Variants in QKI observed in about 807,000 individuals in gnomAD.
QKI encodes QKI, KH domain containing RNA binding.
A neutral mutation model predicts 39.0 loss-of-function variants in QKI; 10 were observed. The ratio of observed to expected loss-of-function variants is 0.26; its 90% CI spans 0.16 to 0.43. The LOEUF is 0.43. QKI is among the 20% of genes least tolerant of loss of function. The pLI, the probability that QKI is intolerant of heterozygous loss-of-function variation, is 1.00. For synonymous variants in QKI, 204 were observed against 155.4 expected, an observed-to-expected ratio of 1.31 and a Z score of -2.33; for missense variants, 218 against 428.0, an observed-to-expected ratio of 0.51 and a Z score of 4.33.
chr6:163,577,495 CAT>C lies in QKI; in HGVS notation c.*6786_*6787del, dbSNP rs896461086. On this transcript the variant is annotated 3_prime_UTR_variant, in exon 8 of 8. Coordinates refer to ENST00000361752, the MANE Select transcript of QKI (RefSeq NM_006775.3). The stretch of plus-strand genomic sequence containing the variant: ...GATCAAAGTGTCTAGAAAGCCCAAA[CAT>C]GTATTCTTAACATAGTAGGCACCAG... The C allele has an allele frequency of 2.0e-5, 3 of 152,004 alleles. No individual in the cohort carries two copies. The highest frequency in any genetic ancestry group is 6.6e-5 in the Admixed American group (1 of 15,244). The allele number at this position is 152,004 out of a possible 1,614,324, so 9.4% of individuals were successfully genotyped here. A position where few individuals can be genotyped will look rare whatever the true frequency, so the allele number is the denominator to read the frequency against.
At chr6:163,495,932 G>T (rs1481026211) in intron 3 of QKI, among the ~76,000 whole-genome samples, 2 of 152,134 alleles carry the variant, frequency 1.3e-5, no homozygotes, top group African/African-American at 4.8e-5. Context: ...CACCGTAAAG[G>T]TAACTTTTTC....
chr6:163,446,746 C>T (rs1447469414), intron 1 of QKI, among the ~76,000 whole-genome samples: 2 of 152,124 alleles, frequency 1.3e-5, no homozygotes, highest in Admixed American at 6.5e-5. Context: ...AGAAAGGCTG[C>T]CTATCCAATT....
At chr6:163,537,526 TAGTG>T (rs1216422627) in intron 4 of QKI, among the ~76,000 whole-genome samples, 1 of 152,160 alleles carries the variant, frequency 6.6e-6, no homozygotes, top group Admixed American at 6.5e-5. Context: ...GTACCTTTAA[TAGTG>T]AGGTTCATAA....
intron 2 of QKI, among the ~76,000 whole-genome samples, chr6:163,473,098 A>G (rs1792327655): frequency 1.3e-5 from 2 of 152,170 alleles, no homozygotes; most frequent in Admixed American, 1.3e-4. Context: ...AACTACTCCA[A>G]AATCTTAAGT....
chr6:163,563,962 T>C (rs1783192775), intron 6 of QKI: 1 of 1,359,284 alleles, frequency 7.4e-7, no homozygotes, highest in African/African-American at 1.5e-5. Flanking sequence ...AAATCTGTTG[T>C]GTACATTTCA....
At chr6:163,461,784 C>G (rs1791371984) in intron 2 of QKI, among the ~76,000 whole-genome samples, 2 of 152,130 alleles carry the variant, frequency 1.3e-5, no homozygotes, top group Admixed American at 6.5e-5. Context: ...AGAGCAGTGT[C>G]TCCGGGAGTA....
chr6:163,538,346 G>T (rs1367236960), intron 4 of QKI, among the ~76,000 whole-genome samples: 1 of 152,180 alleles, frequency 6.6e-6, no homozygotes, highest in African/African-American at 2.4e-5. Context: ...AGGGAATAGA[G>T]AACTGGGATT....
chr6:163,506,896 C>T (rs1779132877), intron 3 of QKI, among the ~76,000 whole-genome samples: 1 of 152,124 alleles, frequency 6.6e-6, no homozygotes, highest in East Asian at 1.9e-4. Flanking sequence ...TCCTCCCATC[C>T]CTCACTCTCA....
chr6:163,508,815 C>T (rs1408307268), intron 3 of QKI, among the ~76,000 whole-genome samples: 1 of 151,810 alleles, frequency 6.6e-6, no homozygotes, highest in Non-Finnish European at 1.5e-5. Flanking sequence ...AGGCATGAGC[C>T]ACCGTGCTTG....
At position 163,519,553 on chromosome 6, in the gene QKI, T is replaced by G. The variant is rs1780025936; in HGVS notation, c.403-15429T>G. 2.0e-5 allele frequency among the ~76,000 whole-genome samples: 3 copies of G among 151,782 alleles called. No homozygotes were observed. In the South Asian group the frequency reaches 6.2e-4, roughly 32 times the overall value. On this transcript the variant is annotated intron_variant, in intron 3 of 7. Coordinates refer to ENST00000361752, the MANE Select transcript of QKI (RefSeq NM_006775.3). ...GACAAGTTACTTTTGCTGTTGAAAT[T>G]TTCACATGTGAAAAATAAGTTAATA...
At chr6:163,425,482 A>C (rs937275883) in intron 1 of QKI, among the ~76,000 whole-genome samples, 2 of 152,234 alleles carry the variant, frequency 1.3e-5, no homozygotes, top group Non-Finnish European at 1.5e-5. Flanking sequence ...CTTTGTGCAT[A>C]AACTGAGAAT....
intron 3 of QKI, among the ~76,000 whole-genome samples, chr6:163,502,263 C>G (rs1778817987): frequency 6.6e-6 from 1 of 151,970 alleles, no homozygotes; most frequent in Non-Finnish European, 1.5e-5. Flanking sequence ...GTGGAGATAG[C>G]AATGAGCTGA....
intron 3 of QKI, among the ~76,000 whole-genome samples, chr6:163,510,895 A>T (rs1049296467): frequency 1.1e-4 from 16 of 152,086 alleles, no homozygotes; most frequent in African/African-American, 3.6e-4. Flanking sequence ...AATTACTCAG[A>T]AGATTTGAAA....
Position 163,522,843 on chromosome 6 carries a change from A to G in QKI, c.403-12139A>G, listed in dbSNP as rs1780244630. The stretch of plus-strand genomic sequence containing the variant: ...TTTTCAGTGATGTGTGCACGATTAC[A>G]TGAAGACAGCTGTGAATTAATATTT... On this transcript the variant is annotated intron_variant, in intron 3 of 7. Coordinates refer to ENST00000361752, the MANE Select transcript of QKI (RefSeq NM_006775.3). Among the ~76,000 whole-genome samples, 3 of 152,194 alleles carry G rather than the reference A, an allele frequency of 2.0e-5. 1 individual carries two copies. In the Middle Eastern group the frequency reaches 0.01, roughly 518 times the overall value.
chr6:163,560,526 G>A (rs1300879357), intron 4 of QKI, among the ~76,000 whole-genome samples: 1 of 152,076 alleles, frequency 6.6e-6, no homozygotes, highest in Non-Finnish European at 1.5e-5. Context: ...AAAGAGAGAG[G>A]GGCAGAGAGT....
intron 6 of QKI, 155 bp from the exon 7 acceptor site, chr6:163,566,566 T>G (rs1467780545): frequency 1.3e-6 from 2 of 1,503,478 alleles, no homozygotes; most frequent in Non-Finnish European, 1.8e-6. Context: ...CATGACATAT[T>G]GTGGTTAATT....
chr6:163,457,540 A>G, intron 2 of QKI: 1 of 443,246 alleles, frequency 2.3e-6, no homozygotes, highest in East Asian at 7.0e-5. Context: ...TTATTGAATC[A>G]GAAACTCTGG....
At chr6:163,510,813 G>A (rs549697684) in intron 3 of QKI, among the ~76,000 whole-genome samples, 1 of 152,148 alleles carries the variant, frequency 6.6e-6, no homozygotes, top group Non-Finnish European at 1.5e-5. Flanking sequence ...CATGAAAACT[G>A]ACTAAAGGCA....
intron 4 of QKI, among the ~76,000 whole-genome samples, chr6:163,546,039 A>G (rs1006163738): frequency 6.8e-6 from 1 of 148,108 alleles, no homozygotes; most frequent in Admixed American, 6.8e-5. Flanking sequence ...ATTTTATATA[A>G]TTATATAAAA....
Sources: allele counts gnomAD v4.1 joint callset (sites outside exome capture counted in the v4.1 genomes callset), GRCh38; gene constraint gnomAD v4.1.1; transcripts MANE v1.5; gene names NCBI Gene and HGNC (gene_info 2026-07-23, HGNC 2026-07-21).